The following CATSPERE variants were observed in gnomAD, a reference collection of about 807,000 sequenced individuals.
CATSPERE encodes cation channel sperm-associated auxiliary subunit epsilon.
A neutral mutation model predicts 114.1 loss-of-function variants in CATSPERE; 93 were observed. The observed-to-expected ratio is 0.81, with a 90% CI of 0.69 to 0.97. CATSPERE has a LOEUF of 0.97. Among genes scored for constraint, CATSPERE ranks in the 50% least tolerant of loss-of-function variants. The pLI, the probability that CATSPERE is intolerant of heterozygous loss-of-function variation, is 0.00. For missense variants in CATSPERE, 1,058 were observed against 1,131.6 expected (o/e 0.93, Z 0.93); for synonymous variants, 341 against 384.1 (o/e 0.89, Z 1.31).
At chr1:244,621,106 A>T (rs1392342979) in intron 20 of CATSPERE, among the ~76,000 whole-genome samples, 2 of 63,264 alleles carry the variant, frequency 3.2e-5, no homozygotes, top group African/African-American at 1.3e-4. Context: ...ATATATATAA[A>T]TATATATATA....
chr1:244,628,153 T>C (rs955428765), intron 20 of CATSPERE, among the ~76,000 whole-genome samples: 1 of 152,262 alleles, frequency 6.6e-6, no homozygotes, highest in African/African-American at 2.4e-5. Context: ...TGTTCAGCTC[T>C]TACTGTGCCT....
At chr1:244,595,567 G>A (rs1419638013) in intron 17 of CATSPERE, among the ~76,000 whole-genome samples, 1 of 152,178 alleles carries the variant, frequency 6.6e-6, no homozygotes, top group Non-Finnish European at 1.5e-5. Flanking sequence ...AAGAGGCCAG[G>A]AAGCTAGCTA....
intron 17 of CATSPERE, among the ~76,000 whole-genome samples, chr1:244,603,995 A>G (rs1054334306): frequency 6.6e-6 from 1 of 152,218 alleles, no homozygotes; most frequent in Admixed American, 6.5e-5. Flanking sequence ...CCCATCTCTA[A>G]AATACCAATA....
intron 6 of CATSPERE, among the ~76,000 whole-genome samples, chr1:244,491,243 G>A (rs1008156005): frequency 3.1e-4 from 47 of 152,086 alleles, no homozygotes; most frequent in Non-Finnish European, 3.2e-4. Context: ...ATAACAAACT[G>A]TCTCTCAGAC....
intron 19 of CATSPERE, among the ~76,000 whole-genome samples, chr1:244,614,373 G>T (rs1030022627): frequency 5.3e-5 from 8 of 152,166 alleles, no homozygotes; most frequent in African/African-American, 1.9e-4. Flanking sequence ...AACACACTTA[G>T]ATTCTTTACA....
intron 8 of CATSPERE, among the ~76,000 whole-genome samples, chr1:244,537,345 A>G (rs553065359): frequency 1.6e-4 from 24 of 152,214 alleles, no homozygotes; most frequent in Admixed American, 4.6e-4. Context: ...TGAATTTTGG[A>G]CCAGCCGTGC....
At chr1:244,535,971 T>C (rs1409014142) in intron 8 of CATSPERE, among the ~76,000 whole-genome samples, 2 of 151,920 alleles carry the variant, frequency 1.3e-5, no homozygotes, top group Admixed American at 6.6e-5. Flanking sequence ...GCCCAAGAGC[T>C]GGTGATGAAT....
chr1:244,543,424 G>A (rs934469445), intron 8 of CATSPERE, among the ~76,000 whole-genome samples: 7 of 151,828 alleles, frequency 4.6e-5, no homozygotes, highest in East Asian at 1.9e-4. Flanking sequence ...ATATGAAAAC[G>A]CTAAAAAAGT....
Position 244,573,019 on chromosome 1 carries a change from ACTT to A in CATSPERE, c.1950+257_1950+259del, listed in dbSNP as rs766711995. ...AAACTCATTGTCAATTGTATTGTTC[ACTT>A]CTTCTTCTTTTTTTTTTTAATGCAT... On this transcript the variant is annotated intron_variant, in intron 11 of 21. Coordinates refer to ENST00000366534, the MANE Select transcript of CATSPERE (RefSeq NM_001130957.2). This position sits in a 1 kb window ranked among gnomAD's most constrained non-coding sequence, Gnocchi z 4.0. Among the ~76,000 whole-genome samples the A allele has an allele frequency of 2.4e-4, 35 of 148,058 alleles. No individual in the cohort carries two copies. Among genetic ancestry groups the A allele is most frequent in the East Asian group, 1.2e-3 (6 of 5,082 alleles).
At chr1:244,548,039 T>C (rs1288615667) in intron 8 of CATSPERE, among the ~76,000 whole-genome samples, 1 of 152,168 alleles carries the variant, frequency 6.6e-6, no homozygotes, top group Non-Finnish European at 1.5e-5. Context: ...AAGAACATGA[T>C]TGGAAAATTG....
At chr1:244,516,482 G>A (rs909966840) in intron 7 of CATSPERE, among the ~76,000 whole-genome samples, 11 of 151,684 alleles carry the variant, frequency 7.3e-5, no homozygotes, top group Admixed American at 2.0e-4. Flanking sequence ...TGAGTAGCTG[G>A]GACTACAGGT....
chr1:244,497,132 A>G (rs1004384445), intron 6 of CATSPERE, among the ~76,000 whole-genome samples: 2 of 152,244 alleles, frequency 1.3e-5, no homozygotes, highest in African/African-American at 2.4e-5. Flanking sequence ...AGTAACAATT[A>G]AAGAAAACAT....
intron 1 of CATSPERE, 135 bp downstream of exon 1, chr1:244,461,629 C>T (rs1666815973): frequency 5.0e-6 from 3 of 605,506 alleles, no homozygotes; most frequent in Non-Finnish European, 7.3e-6. Flanking sequence ...TCTCCTGGCT[C>T]CCCAACACCA....
chr1:244,534,144 C>T (rs1310774609), intron 8 of CATSPERE, among the ~76,000 whole-genome samples: 1 of 152,128 alleles, frequency 6.6e-6, no homozygotes, highest in African/African-American at 2.4e-5. Context: ...ATTGGACCTC[C>T]ATTGTATGTT....
At chr1:244,485,783 A>G (rs1443953973) in intron 5 of CATSPERE, among the ~76,000 whole-genome samples, 1 of 149,630 alleles carries the variant, frequency 6.7e-6, no homozygotes, top group Non-Finnish European at 1.5e-5. Flanking sequence ...CGTAACCTCA[A>G]ACTCTTGGTG....
At chr1:244,496,802 A>C (rs1673168690) in intron 6 of CATSPERE, among the ~76,000 whole-genome samples, 1 of 152,228 alleles carries the variant, frequency 6.6e-6, no homozygotes, top group African/African-American at 2.4e-5. Flanking sequence ...GGGATAGGGT[A>C]CTGGTCATGG....
At chr1:244,594,151 C>T (rs1350186213) in intron 17 of CATSPERE, among the ~76,000 whole-genome samples, 1 of 152,032 alleles carries the variant, frequency 6.6e-6, no homozygotes, top group African/African-American at 2.4e-5. Flanking sequence ...AAGACCCTGT[C>T]GTTACAAAAA....
At chr1:244,614,204 G>T (rs149705673) in intron 19 of CATSPERE, among the ~76,000 whole-genome samples, 3 of 152,190 alleles carry the variant, frequency 2.0e-5, no homozygotes, top group Non-Finnish European at 4.4e-5. Context: ...GAAAGCCTCC[G>T]CAACTCAGCA....
intron 17 of CATSPERE, among the ~76,000 whole-genome samples, chr1:244,602,545 A>G (rs1363890426): frequency 6.6e-6 from 1 of 152,230 alleles, no homozygotes; most frequent in Non-Finnish European, 1.5e-5. Context: ...CTGACTGTCC[A>G]ACACTCATAA....
Sources: allele counts gnomAD v4.1 joint callset (sites outside exome capture counted in the v4.1 genomes callset), GRCh38; gene constraint gnomAD v4.1.1; non-coding constraint Gnocchi (gnomAD v3.1); transcripts MANE v1.5; gene names NCBI Gene and HGNC (gene_info 2026-07-23, HGNC 2026-07-21).